Variants in NAT8L observed in about 807,000 individuals in gnomAD.
The protein encoded by NAT8L is N-acetylaspartate synthetase.
NAT8L carries 6 observed loss-of-function variants against 21.2 expected under a neutral mutation model. The observed-to-expected ratio is 0.28, with a 90% CI of 0.16 to 0.56. The LOEUF is 0.56. NAT8L is among the 20% of genes least tolerant of loss of function. The pLI is 0.93. For synonymous variants in NAT8L, 239 were observed against 204.9 expected, an observed-to-expected ratio of 1.17 and a Z score of -1.42; for missense variants, 331 against 433.3, an observed-to-expected ratio of 0.76 and a Z score of 2.10.
chr4:2,062,466 G>A (rs1398341075), intron 2 of NAT8L, among the ~76,000 whole-genome samples: 5 of 151,942 alleles, frequency 3.3e-5, no homozygotes, highest in African/African-American at 1.2e-4. Context: ...TGCTGTGTGG[G>A]TAGGGAGATG....
chr4:2,063,390 G>A (rs978376223), intron 2 of NAT8L, among the ~76,000 whole-genome samples: 4 of 152,272 alleles, frequency 2.6e-5, no homozygotes, highest in Admixed American at 2.0e-4. Context: ...ACTGGGCAAA[G>A]CCTGCCCCAG....
In NAT8L at chr4:2,065,131, C is replaced by T. The variant is rs1472753374; in HGVS notation, c.*1004C>T. The T allele has an allele frequency of 6.6e-6, 1 of 152,482 alleles. No individual in the cohort carries two copies. The highest frequency in any genetic ancestry group is 1.5e-5 in the Non-Finnish European group (1 of 68,084). 9.4% of individuals were successfully genotyped at this position (152,482 alleles called of 1,614,324 possible). A position where few individuals can be genotyped will look rare whatever the true frequency, so the allele number is the denominator to read the frequency against. On this transcript the variant is annotated 3_prime_UTR_variant, in exon 3 of 3. Coordinates refer to ENST00000423729, the MANE Select transcript of NAT8L (RefSeq NM_178557.4). Reference sequence around the variant, plus strand: ...CTTGGGACAAAACGGTAGTTTGTACCCTAAGACACAGTTTCTGGCCCAGTG... The same window carrying T: ...CTTGGGACAAAACGGTAGTTTGTACTCTAAGACACAGTTTCTGGCCCAGTG...
chr4:2,061,165 G>T lies in NAT8L; in HGVS notation c.541+3G>T, dbSNP rs1333108630. 6.2e-7 allele frequency: 1 copy of T among 1,608,954 alleles called. No individual in the cohort carries two copies. Among genetic ancestry groups the T allele is most frequent in the East Asian group, 2.2e-5 (1 of 44,690 alleles). ...GCAGTACTACATGAAGCCGCCCGGT[G>T]AGTCCCGCTCCCGCCGCTCCCCGAC... On this transcript the variant is annotated splice_donor_region_variant and intron_variant, in intron 2 of 2. Transcript: ENST00000423729.
Position 2,059,640 on chromosome 4 carries a change from C to T in NAT8L, c.129C>T (p.Pro43=), listed in dbSNP as rs892799306. 1.4e-5 allele frequency: 14 copies of T among 970,972 alleles called. No individual in the cohort carries two copies. The African/African-American group carries it at 2.5e-4, about 17-fold the overall frequency. The allele number at this position is 970,972 out of a possible 1,614,324, so 60.1% of individuals were successfully genotyped here. A position where few individuals can be genotyped will look rare whatever the true frequency, so the allele number is the denominator to read the frequency against. The part of the protein sequence containing the change: ...AAAGAMWPPL[P]AAPGPAAAPP... ...CCGGCGCCATGTGGCCCCCGCTGCC[C>T]GCCGCGCCCGGGCCGGCCGCCGCGC... Residue 43 remains proline, a synonymous_variant, in exon 1 of 3, where the codon CCC becomes CCT. Coordinates refer to ENST00000423729, the MANE Select transcript of NAT8L (RefSeq NM_178557.4). This position sits in a 1 kb window ranked among gnomAD's most constrained non-coding sequence, Gnocchi z 4.8.
chr4:2,060,237 C>A lies in NAT8L; in HGVS notation c.376+350C>A, dbSNP rs1383755410. On this transcript the variant is annotated intron_variant, in intron 1 of 2. Transcript: ENST00000423729. The surrounding 1 kb of genome is among the most constrained non-coding windows in gnomAD (Gnocchi z 4.7). ...GCCCCGGCGAGTGCCTAAATATAAT[C>A]TGCGGGCGGGGGAGGCCGCCTCCCG... 1.3e-5 allele frequency among the ~76,000 whole-genome samples: 2 copies of A among 152,060 alleles called. No homozygotes were observed. Among genetic ancestry groups the A allele is most frequent in the African/African-American group, 4.8e-5 (2 of 41,444 alleles).
At chr4:2,062,986 T>G (rs1729922338) in intron 2 of NAT8L, among the ~76,000 whole-genome samples, 2 of 152,192 alleles carry the variant, frequency 1.3e-5, no homozygotes, top group Admixed American at 6.5e-5. Flanking sequence ...CCTGCACCTC[T>G]CCTCCTCCCC....
Position 2,064,910 on chromosome 4 carries a change from C to T in NAT8L, c.*783C>T, listed in dbSNP as rs1729967065. 6.6e-6 allele frequency: 1 copy of T among 152,544 alleles called. No homozygotes were observed. The highest frequency in any genetic ancestry group is 6.5e-5 in the Admixed American group (1 of 15,288). The allele number at this position is 152,544 out of a possible 1,614,324, so 9.4% of individuals were successfully genotyped here. On this transcript the variant is annotated 3_prime_UTR_variant, in exon 3 of 3. Transcript: ENST00000423729. The stretch of plus-strand genomic sequence containing the variant: ...TGGGGGTCCATGGGACCCCTCTCCC[C>T]AGTGCCCACTGGATCGTGCTGGCCT...
In NAT8L at chr4:2,068,181, ATG is replaced by A. The variant is rs948235239; in HGVS notation, c.*4059_*4060del. The A allele has an allele frequency of 7.2e-5, 11 of 152,158 alleles. No individual in the cohort carries two copies. The highest frequency in any genetic ancestry group is 2.2e-4 in the African/African-American group (9 of 41,454). The allele number at this position is 152,158 out of a possible 1,614,324, so 9.4% of individuals were successfully genotyped here. A position where few individuals can be genotyped will look rare whatever the true frequency, so the allele number is the denominator to read the frequency against. ...ATATGTGTAGTGTGAGCATGTGTGC[ATG>A]TGTGAGCCTGTGCACGTGCATGTTG... On this transcript the variant is annotated 3_prime_UTR_variant, in exon 3 of 3. Coordinates refer to ENST00000423729, the MANE Select transcript of NAT8L (RefSeq NM_178557.4).
rs116048302 is a variant in NAT8L, at chr4:2,060,980, C to G, written c.377-18C>G. 36 of 1,457,226 alleles carry G rather than the reference C, an allele frequency of 2.5e-5. No individual in the cohort carries two copies. The highest frequency in any genetic ancestry group is 2.1e-4 in the Middle Eastern group (1 of 4,670). 90.3% of individuals were successfully genotyped at this position (1,457,226 alleles called of 1,614,324 possible). ...GGGGACCCCCGCCGCGCCGCTGACCCGCGCCCTCTGCCCCCAGCGCTGTGC... is the reference window on the plus strand; with the variant it reads ...GGGGACCCCCGCCGCGCCGCTGACCGGCGCCCTCTGCCCCCAGCGCTGTGC... On this transcript the variant is annotated intron_variant, in intron 1 of 2. Coordinates refer to ENST00000423729, the MANE Select transcript of NAT8L (RefSeq NM_178557.4). The surrounding 1 kb of genome is among the most constrained non-coding windows in gnomAD (Gnocchi z 4.7).
At position 2,064,277 on chromosome 4, in the gene NAT8L, G is replaced by C. The variant is rs1183315890; in HGVS notation, c.*150G>C. 4.9e-6 allele frequency: 2 copies of C among 409,402 alleles called. No homozygotes were observed. The highest frequency in any genetic ancestry group is 7.3e-6 in the Non-Finnish European group (2 of 273,070). 25.4% of individuals were successfully genotyped at this position (409,402 alleles called of 1,614,324 possible). A position where few individuals can be genotyped will look rare whatever the true frequency, so the allele number is the denominator to read the frequency against. On this transcript the variant is annotated 3_prime_UTR_variant, in exon 3 of 3. Coordinates refer to ENST00000423729, the MANE Select transcript of NAT8L (RefSeq NM_178557.4). ...ATCCTGCGGTTGTCTGGCTGGTTCC[G>C]GGGGGTGCGGGGCTGTTGTTCTTCG...
rs1023367564 is a variant in NAT8L at position 2,060,262 on chromosome 4, G to T, written c.376+375G>T. Among the ~76,000 whole-genome samples the T allele has an allele frequency of 6.6e-6, 1 of 152,088 alleles. No individual in the cohort carries two copies. Among genetic ancestry groups the T allele is most frequent in the Non-Finnish European group, 1.5e-5 (1 of 67,994 alleles). On this transcript the variant is annotated intron_variant, in intron 1 of 2. Coordinates refer to ENST00000423729, the MANE Select transcript of NAT8L (RefSeq NM_178557.4). The surrounding 1 kb of genome is among the most constrained non-coding windows in gnomAD (Gnocchi z 4.7). ...CTGCGGGCGGGGGAGGCCGCCTCCCGCTCGGTGCTAATTTATGAGGGGAAG... is the reference window on the plus strand; with the variant it reads ...CTGCGGGCGGGGGAGGCCGCCTCCCTCTCGGTGCTAATTTATGAGGGGAAG...
At chr4:2,063,614 G>C (rs370998558) in intron 2 of NAT8L, 146 bp from the exon 3 acceptor site, 3 of 1,460,486 alleles carry the variant, frequency 2.1e-6, no homozygotes, top group Non-Finnish European at 2.8e-6. Context: ...GCTAGGCCCC[G>C]GGGGCTGCCG....
In NAT8L at chr4:2,069,080, G is replaced by C. The variant is rs1196103846; in HGVS notation, c.*4953G>C. The C allele has an allele frequency of 6.6e-6, 1 of 152,218 alleles. No individual in the cohort carries two copies. Among genetic ancestry groups the C allele is most frequent in the South Asian group, 2.1e-4 (1 of 4,832 alleles). The allele number at this position is 152,218 out of a possible 1,614,324, so 9.4% of individuals were successfully genotyped here. On this transcript the variant is annotated 3_prime_UTR_variant, in exon 3 of 3. Coordinates refer to ENST00000423729, the MANE Select transcript of NAT8L (RefSeq NM_178557.4). ...GCTGCTGTTTTTCAATAAAACCAGA[G>C]TTGAAGGCACCTGGCTCCCGTGCTC...
At position 2,060,068 on chromosome 4, in the gene NAT8L, C is replaced by G. The variant is rs1040597024; in HGVS notation, c.376+181C>G. On this transcript the variant is annotated intron_variant, in intron 1 of 2. Transcript: ENST00000423729. The surrounding 1 kb of genome is among the most constrained non-coding windows in gnomAD (Gnocchi z 4.7). Reference sequence around the variant, plus strand: ...GGGCGTGGGGATGGGCGCAGGGCCCCGAGCGGGCCGGAGCCGGGGAGGGTC... The same window carrying G: ...GGGCGTGGGGATGGGCGCAGGGCCCGGAGCGGGCCGGAGCCGGGGAGGGTC... Among the ~76,000 whole-genome samples, 7 of 151,794 alleles carry G rather than the reference C, an allele frequency of 4.6e-5. No individual in the cohort carries two copies. Among genetic ancestry groups the G allele is most frequent in the Non-Finnish European group, 8.8e-5 (6 of 67,894 alleles).
In NAT8L at chr4:2,068,435, T is replaced by C. The variant is rs1437708911; in HGVS notation, c.*4308T>C. ...GTATGCATGTGTGATGCGCATGTTC[T>C]TGTGTACTTCTCTGAGGGGGCACAT... On this transcript the variant is annotated 3_prime_UTR_variant, in exon 3 of 3. Coordinates refer to ENST00000423729, the MANE Select transcript of NAT8L (RefSeq NM_178557.4). The C allele has an allele frequency of 6.6e-6, 1 of 152,220 alleles. No homozygotes were observed. Among genetic ancestry groups the C allele is most frequent in the Non-Finnish European group, 1.5e-5 (1 of 67,996 alleles). 9.4% of individuals were successfully genotyped at this position (152,220 alleles called of 1,614,324 possible). A position where few individuals can be genotyped will look rare whatever the true frequency, so the allele number is the denominator to read the frequency against.
At position 2,064,142 on chromosome 4, in the gene NAT8L, C is replaced by T. The variant is rs1729946855; in HGVS notation, c.*15C>T. 4 of 1,515,376 alleles carry T rather than the reference C, an allele frequency of 2.6e-6. No individual in the cohort carries two copies. Among genetic ancestry groups the T allele is most frequent in the Non-Finnish European group, 3.5e-6 (4 of 1,132,524 alleles). The allele number at this position is 1,515,376 out of a possible 1,614,324, so 93.9% of individuals were successfully genotyped here. A position where few individuals can be genotyped will look rare whatever the true frequency, so the allele number is the denominator to read the frequency against. ...GCGAGGAGTGACCGCCGCCGCTCGC[C>T]CGCCCGCCCCCCCGGCCGCCCTGTC... On this transcript the variant is annotated 3_prime_UTR_variant, in exon 3 of 3. Coordinates refer to ENST00000423729, the MANE Select transcript of NAT8L (RefSeq NM_178557.4).
chr4:2,063,644 C>T (rs1729934001), intron 2 of NAT8L, 116 bp from the exon 3 acceptor site: 3 of 1,579,398 alleles, frequency 1.9e-6, no homozygotes, highest in Admixed American at 3.4e-5. Context: ...GTCCCACTGC[C>T]CTGGCTTGGT....
At position 2,063,747 on chromosome 4, in the gene NAT8L, C is replaced by T. The variant is rs1010948600; in HGVS notation, c.542-13C>T. ...TCCTCACCGGGTGTCCCTGACCGCC[C>T]TATCCCCTGCAGGCTCCTGCTTCTG... On this transcript the variant is annotated splice_polypyrimidine_tract_variant and intron_variant, in intron 2 of 2. Transcript: ENST00000423729. 6.2e-7 allele frequency: 1 copy of T among 1,610,152 alleles called. No individual in the cohort carries two copies. The highest frequency in any genetic ancestry group is 8.5e-7 in the Non-Finnish European group (1 of 1,179,812).
Position 2,061,181 on chromosome 4 carries a change from G to C in NAT8L, c.541+19G>C. The C allele has an allele frequency of 1.9e-6, 3 of 1,610,050 alleles. No homozygotes were observed. The highest frequency in any genetic ancestry group is 2.2e-5 in the South Asian group (2 of 90,966). On this transcript the variant is annotated intron_variant, in intron 2 of 2. Coordinates refer to ENST00000423729, the MANE Select transcript of NAT8L (RefSeq NM_178557.4). ...CCGCCCGGTGAGTCCCGCTCCCGCC[G>C]CTCCCCGACCTCCGCCCCAGACAGC... is the stretch of plus-strand genomic sequence containing the variant.
Sources: gnomAD v4.1 joint callset for allele counts (sites outside exome capture counted in the v4.1 genomes callset) on GRCh38, gnomAD v4.1.1 for gene constraint, Gnocchi (gnomAD v3.1) non-coding constraint, MANE v1.5 for transcripts, NCBI Gene and HGNC (gene_info 2026-07-23, HGNC 2026-07-21) for gene names.